GRIK1: variants seen among roughly 807,000 people sequenced by gnomAD.
GRIK1 encodes the protein glutamate ionotropic receptor kainate type subunit 1, also known as glutamate receptor ionotropic, kainate 1.
A neutral mutation model predicts 105.7 loss-of-function variants in GRIK1; 69 were observed. That is an observed-to-expected ratio of 0.65 (90% CI 0.54 to 0.80). The LOEUF (loss-of-function observed/expected upper bound fraction) is 0.80. GRIK1 is among the 30% of genes least tolerant of loss of function. The pLI is 0.00. For synonymous variants in GRIK1, 438 were observed against 431.3 expected (o/e 1.02, Z -0.19); for missense variants, 1,109 against 1,167.3 (o/e 0.95, Z 0.73).
At chr21:29,767,668 G>A (rs183967912) in intron 1 of GRIK1, among the ~76,000 whole-genome samples, 13 of 152,294 alleles carry the variant, frequency 8.5e-5, no homozygotes, top group Admixed American at 8.5e-4. Flanking sequence ...CAATTTTAGA[G>A]GTCTCAAAAG....
At chr21:29,792,213 T>C (rs2066438239) in intron 1 of GRIK1, among the ~76,000 whole-genome samples, 3 of 152,180 alleles carry the variant, frequency 2.0e-5, no homozygotes, top group African/African-American at 7.2e-5. Context: ...CATATGTATA[T>C]AGCTTAGATA....
intron 1 of GRIK1, among the ~76,000 whole-genome samples, chr21:29,897,351 C>T (rs1048521190): frequency 5.3e-5 from 8 of 152,080 alleles, no homozygotes; most frequent in Admixed American, 3.3e-4. Context: ...ATGATCCTGA[C>T]GTTGAAATAT....
chr21:29,926,460 G>T (rs1016349427), intron 1 of GRIK1, among the ~76,000 whole-genome samples: 2 of 152,160 alleles, frequency 1.3e-5, no homozygotes, highest in Non-Finnish European at 2.9e-5. Context: ...CAAGAAAACA[G>T]CACTGAGAAG....
chr21:29,803,421 A>G (rs1310155857), intron 1 of GRIK1, among the ~76,000 whole-genome samples: 2 of 152,144 alleles, frequency 1.3e-5, no homozygotes, highest in Non-Finnish European at 2.9e-5. Flanking sequence ...TACATTCTTT[A>G]CATTTCCTGC....
At chr21:29,543,680 T>G (rs1042476955) in intron 16 of GRIK1, among the ~76,000 whole-genome samples, 1 of 152,162 alleles carries the variant, frequency 6.6e-6, no homozygotes, top group Admixed American at 6.5e-5. Flanking sequence ...GATTTGTGCC[T>G]GAGAGCTAAT....
chr21:29,910,781 C>T (rs1001346988), intron 1 of GRIK1, among the ~76,000 whole-genome samples: 5 of 334 alleles, frequency 0.015, no homozygotes, highest in African/African-American at 0.02. Context: ...AGTAATTTTA[C>T]ACGATCTATT....
intron 1 of GRIK1, among the ~76,000 whole-genome samples, chr21:29,816,078 G>A (rs2067147467): frequency 1.3e-5 from 2 of 151,918 alleles, no homozygotes; most frequent in African/African-American, 4.8e-5. Flanking sequence ...GAATACACAA[G>A]GAAGATGACT....
In GRIK1 at chr21:29,724,887, G is replaced by A. The variant is rs541462580; in HGVS notation, c.119-30824C>T. ...TAATTGGAGTTTCTTCCTTTTCTTG[G>A]AGGTCATTTAACGTGGGAATTTGAC... On this transcript the variant is annotated intron_variant, in intron 1 of 17. Transcript: ENST00000327783. 7.9e-4 allele frequency among the ~76,000 whole-genome samples: 120 copies of A among 151,904 alleles called. 1 individual carries two copies. The highest frequency in any genetic ancestry group is 2.6e-3 in the African/African-American group (107 of 41,434).
chr21:29,662,300 G>T lies in GRIK1; in HGVS notation c.727-7437C>A, dbSNP rs146320123. Among the ~76,000 whole-genome samples the T allele has an allele frequency of 3.9e-5, 6 of 152,332 alleles. No individual in the cohort carries two copies. The East Asian group carries it at 9.6e-4, about 24-fold the overall frequency. ...GACTGTTGAGAACAGAGCAGGAAAA[G>T]AAGTTTTCCCATGGCAGAATGAAAT... On this transcript the variant is annotated intron_variant, in intron 4 of 17. Coordinates refer to ENST00000327783, the MANE Select transcript of GRIK1 (RefSeq NM_001330994.2).
intron 6 of GRIK1, among the ~76,000 whole-genome samples, chr21:29,646,217 G>A (rs996900581): frequency 2.0e-5 from 3 of 152,124 alleles, no homozygotes; most frequent in Admixed American, 6.5e-5. Flanking sequence ...AGTAACTAAG[G>A]CCAGCTGTAT....
intron 1 of GRIK1, among the ~76,000 whole-genome samples, chr21:29,786,142 C>G (rs1343424931): frequency 6.6e-6 from 1 of 152,184 alleles, no homozygotes; most frequent in Non-Finnish European, 1.5e-5. Context: ...GCACACACCA[C>G]CATGCCCAGC....
At chr21:29,708,805 A>G (rs557666860) in intron 1 of GRIK1, among the ~76,000 whole-genome samples, 1 of 152,272 alleles carries the variant, frequency 6.6e-6, no homozygotes, top group Non-Finnish European at 1.5e-5. Flanking sequence ...AAAATTTTTT[A>G]ATTTTTATTT....
In GRIK1 at chr21:29,654,853, A is replaced by G; in HGVS notation, c.737T>C (p.Met246Thr). The G allele has an allele frequency of 9.5e-6, 15 of 1,578,476 alleles. No homozygotes were observed. The highest frequency in any genetic ancestry group is 1.3e-5 in the Non-Finnish European group (15 of 1,147,450). Residue 246 changes from methionine to threonine, a missense_variant, in exon 5 of 18, where the codon ATG (methionine) becomes ACG (threonine). Met to Thr is a moderately conservative substitution (Grantham distance 81, BLOSUM62 -1). This residue lies in a region of GRIK1 where 612 missense variants were observed against 586.0 expected (regional missense o/e 1.04). Coordinates refer to ENST00000327783, the MANE Select transcript of GRIK1 (RefSeq NM_001330994.2). ...GTGATAGTACTCGGTCATCATGCCC[A>G]TGAACAGAATCTGCAAAAGAGAAAT... ...AAEILKQILF[M>T]GMMTEYYHYF... is the part of the protein sequence containing the mutation.
chr21:29,550,832 A>C (rs2090121819), intron 16 of GRIK1, among the ~76,000 whole-genome samples: 1 of 152,206 alleles, frequency 6.6e-6, no homozygotes, highest in Non-Finnish European at 1.5e-5. Flanking sequence ...TATTAACAGG[A>C]CTTTTATTAA....
chr21:29,779,504 T>C (rs2145771039), intron 1 of GRIK1, among the ~76,000 whole-genome samples: 1 of 152,160 alleles, frequency 6.6e-6, no homozygotes, highest in African/African-American at 2.4e-5. Context: ...GGTGTGTGTG[T>C]GTGTGTGTGT....
intron 1 of GRIK1, among the ~76,000 whole-genome samples, chr21:29,814,558 G>A (rs937644498): frequency 6.6e-5 from 10 of 152,058 alleles, no homozygotes; most frequent in Non-Finnish European, 1.3e-4. Flanking sequence ...AAAGTTGTCA[G>A]AGAGGACCCC....
At chr21:29,585,110 G>T (rs1273706802) in intron 12 of GRIK1, among the ~76,000 whole-genome samples, 2 of 152,066 alleles carry the variant, frequency 1.3e-5, no homozygotes, top group East Asian at 3.9e-4. Context: ...GGGCAAGAAG[G>T]CAGTGGAAGA....
chr21:29,720,772 G>A (rs1485037932), intron 1 of GRIK1, among the ~76,000 whole-genome samples: 3 of 152,032 alleles, frequency 2.0e-5, no homozygotes, highest in Admixed American at 1.3e-4. Flanking sequence ...TTCACACTCC[G>A]TTAACATTAC....
At chr21:29,632,834 A>C (rs1000162048) in intron 7 of GRIK1, among the ~76,000 whole-genome samples, 1 of 152,218 alleles carries the variant, frequency 6.6e-6, no homozygotes, top group Non-Finnish European at 1.5e-5. Context: ...CCTTCATCTG[A>C]GGCCAACACT....
Sources: gnomAD v4.1 joint callset for allele counts (sites outside exome capture counted in the v4.1 genomes callset) on GRCh38, gnomAD v4.1.1 for gene constraint, gnomAD v4.1.1 regional missense constraint, MANE v1.5 for transcripts, NCBI Gene and HGNC (gene_info 2026-07-23, HGNC 2026-07-21) for gene names.